ADGRE3: variants seen among roughly 807,000 people sequenced by gnomAD.
ADGRE3 encodes EGF-like module receptor 3.
ADGRE3 carries 88 observed loss-of-function variants against 80.1 expected under a neutral mutation model. The ratio of observed to expected loss-of-function variants is 1.10; its 90% CI spans 0.93 to 1.31. The LOEUF is 1.31. ADGRE3 is among the 40% of genes most tolerant of loss of function. The probability of loss-of-function intolerance (pLI) is 0.00; values close to 1 mark genes in which losing one functional copy is unlikely to be tolerated. For synonymous variants in ADGRE3, 281 were observed against 294.8 expected (o/e 0.95, Z 0.48); for missense variants, 715 against 776.5 (o/e 0.92, Z 0.94).
At position 14,654,981 on chromosome 19, in the gene ADGRE3, C is replaced by T; in HGVS notation, c.577+1G>A. The T allele has an allele frequency of 6.2e-7, 1 of 1,613,366 alleles. No individual in the cohort carries two copies. The highest frequency in any genetic ancestry group is 8.5e-7 in the Non-Finnish European group (1 of 1,179,546). On this transcript the variant is annotated splice_donor_variant, in intron 6 of 15. Transcript: ENST00000253673. LOFTEE classifies it high-confidence loss of function. ...TGTATCAGTCCTCATTATTGTCTTA[C>T]CTACACTATCGTTTTGGATTTTCAG...
At chr19:14,604,881 A>C in the ADGRE3 span, among the ~76,000 whole-genome samples, 8 of 152,246 alleles carry the variant, frequency 5.3e-5, no homozygotes, top group African/African-American at 1.9e-4. Flanking sequence ...CACATGAAAT[A>C]GATTATAGTA....
At chr19:14,614,722 A>G (rs1442813321), downstream of ADGRE3, among the ~76,000 whole-genome samples, 1 of 151,316 alleles carries the variant, frequency 6.6e-6, no homozygotes, top group Non-Finnish European at 1.5e-5. Flanking sequence ...GATTACAGGT[A>G]CACCGTAATG....
intron 15 of ADGRE3, chr19:14,621,615 T>G: frequency 1.2e-6 from 1 of 826,094 alleles, no homozygotes; most frequent in Non-Finnish European, 1.7e-6. Context: ...TGTTGTGGGA[T>G]TTGCACGGGC....
chr19:14,630,285 A>G, intron 13 of ADGRE3, 78 bp from the exon 14 acceptor site: 1 of 1,224,592 alleles, frequency 8.2e-7, no homozygotes, highest in Non-Finnish European at 1.1e-6. Context: ...AGCTGTTAAT[A>G]GTAAGAACTC....
the ADGRE3 span, among the ~76,000 whole-genome samples, chr19:14,603,147 A>C: frequency 1.6e-4 from 25 of 152,280 alleles, no homozygotes; most frequent in South Asian, 5.0e-3. Flanking sequence ...TAAATTACTC[A>C]TTTTAGTTTC....
chr19:14,638,352 G>GA lies in ADGRE3; in HGVS notation c.1249-13dup, dbSNP rs764268453. ...ATGGAGCACAGCACCTGGGGGAGGA[G>GA]AAAGGGATGCCTGAAGGGGTTGTCA... On this transcript the variant is annotated splice_polypyrimidine_tract_variant and intron_variant, in intron 10 of 15. Coordinates refer to ENST00000253673, the MANE Select transcript of ADGRE3 (RefSeq NM_032571.5). The GA allele has an allele frequency of 1.0e-5, 16 of 1,607,310 alleles. No homozygotes were observed. The highest frequency in any genetic ancestry group is 1.4e-5 in the Non-Finnish European group (16 of 1,174,020).
Position 14,647,230 on chromosome 19 carries a change from CT to C in ADGRE3, c.832del (p.Arg278GlyfsTer9). On this transcript the variant is annotated frameshift_variant, in exon 8 of 16. Coordinates refer to ENST00000253673, the MANE Select transcript of ADGRE3 (RefSeq NM_032571.5). LOFTEE classifies it high-confidence loss of function. ...CACAGACTTGGAGAGAGACACGTTC[CT>C]TTTGGGTCCAATAGCAGCACTCACA... ...QVVSAAIGPK[R>X]NVSLSKSVTL... is the part of the protein sequence containing the mutation. 1 of 1,613,968 alleles carries C rather than the reference CT, an allele frequency of 6.2e-7. No homozygotes were observed. The highest frequency in any genetic ancestry group is 8.5e-7 in the Non-Finnish European group (1 of 1,179,974).
At chr19:14,665,186 C>T (rs1004286645) in intron 2 of ADGRE3, among the ~76,000 whole-genome samples, 2 of 151,062 alleles carry the variant, frequency 1.3e-5, no homozygotes, top group Non-Finnish European at 2.9e-5. Context: ...GCCTCAGCCT[C>T]CTGAGTAGCT....
At chr19:14,634,668 G>A (rs1001073389) in intron 11 of ADGRE3, among the ~76,000 whole-genome samples, 4 of 152,100 alleles carry the variant, frequency 2.6e-5, no homozygotes, top group Non-Finnish European at 4.4e-5. Flanking sequence ...TTCTCATCTC[G>A]CTAATGAGGG....
At chr19:14,616,953 GC>G (rs774382921), downstream of ADGRE3, among the ~76,000 whole-genome samples, 273 of 151,946 alleles carry the variant, frequency 1.8e-3, 1 homozygote, top group Middle Eastern at 6.8e-3. Flanking sequence ...GCGCCACCAC[GC>G]CTGGCTAATT....
At chr19:14,660,048 GA>G (rs1284778596) in intron 4 of ADGRE3, among the ~76,000 whole-genome samples, 1 of 151,884 alleles carries the variant, frequency 6.6e-6, no homozygotes, top group Non-Finnish European at 1.5e-5. Context: ...TTTGTTATAG[GA>G]AACCGTATTT....
chr19:14,613,683 G>A, the ADGRE3 span, among the ~76,000 whole-genome samples: 2 of 151,092 alleles, frequency 1.3e-5, no homozygotes, highest in Admixed American at 6.6e-5. Flanking sequence ...CTTTTATTTC[G>A]TTATTAAAAA....
At position 14,633,574 on chromosome 19, in the gene ADGRE3, G is replaced by A. The variant is rs558818151; in HGVS notation, c.1485-272C>T. The stretch of plus-strand genomic sequence containing the variant: ...ATAAAAATTAGCTGGGCGTGGTGGC[G>A]GGCACCTGTAGTTCCAGCTATTCGG... On this transcript the variant is annotated intron_variant, in intron 11 of 15. Coordinates refer to ENST00000253673, the MANE Select transcript of ADGRE3 (RefSeq NM_032571.5). 7.2e-5 allele frequency among the ~76,000 whole-genome samples: 11 copies of A among 151,820 alleles called. 1 individual carries two copies. Among genetic ancestry groups the A allele is most frequent in the East Asian group, 3.9e-4 (2 of 5,108 alleles).
chr19:14,627,052 G>A (rs879785312), intron 14 of ADGRE3, among the ~76,000 whole-genome samples: 1 of 152,196 alleles, frequency 6.6e-6, no homozygotes, highest in Non-Finnish European at 1.5e-5. Context: ...CTGCCACACC[G>A]TGATATCCTA....
intron 12 of ADGRE3, 75 bp from the exon 13 acceptor site, chr19:14,633,087 A>G: frequency 7.4e-7 from 1 of 1,344,946 alleles, no homozygotes; most frequent in Non-Finnish European, 1.1e-6. Flanking sequence ...TGCACACAGG[A>G]GTCCTACCCT....
chr19:14,617,341 C>CTCTCTCTCT (rs1599593839), downstream of ADGRE3, among the ~76,000 whole-genome samples: 4 of 57,168 alleles, frequency 7.0e-5, no homozygotes, highest in Admixed American at 2.0e-4. Context: ...TCCCTCCCTC[C>CTCTCTCTCT]CTTTCTTTCT....
At chr19:14,643,505 C>T (rs193116726) in intron 9 of ADGRE3, among the ~76,000 whole-genome samples, 10 of 152,156 alleles carry the variant, frequency 6.6e-5, no homozygotes, top group Admixed American at 5.2e-4. Context: ...ACCATGTAGG[C>T]ATTGCATCCC....
At chr19:14,611,913 A>G in the ADGRE3 span, among the ~76,000 whole-genome samples, 1 of 152,176 alleles carries the variant, frequency 6.6e-6, no homozygotes, top group Non-Finnish European at 1.5e-5. Flanking sequence ...CTAAGGCACG[A>G]GAATTGCTTG....
downstream of ADGRE3, among the ~76,000 whole-genome samples, chr19:14,618,144 A>G (rs2075093590): frequency 6.6e-6 from 1 of 152,180 alleles, no homozygotes; most frequent in Non-Finnish European, 1.5e-5. Context: ...ATATATATTT[A>G]TCATGTACAA....
Sources: allele counts gnomAD v4.1 joint callset (sites outside exome capture counted in the v4.1 genomes callset), GRCh38; gene constraint gnomAD v4.1.1; transcripts MANE v1.5; gene names NCBI Gene and HGNC (gene_info 2026-07-23, HGNC 2026-07-21).